WDFY2: variants seen among roughly 807,000 people sequenced by gnomAD.
WDFY2 encodes the protein WD repeat and FYVE domain-containing protein 2.
Under a neutral mutation model 56.4 loss-of-function variants are expected in WDFY2, and 36 were observed. That is an observed-to-expected ratio of 0.64 (90% CI 0.49 to 0.84). The LOEUF is 0.84. WDFY2 is among the 40% of genes least tolerant of loss of function. The pLI, the probability that WDFY2 is intolerant of heterozygous loss-of-function variation, is 0.00. For missense variants in WDFY2, 444 were observed against 512.2 expected, an observed-to-expected ratio of 0.87 and a Z score of 1.29; for synonymous variants, 176 against 183.7, an observed-to-expected ratio of 0.96 and a Z score of 0.34.
At chr13:51,702,504 T>C (rs1374791778) in intron 3 of WDFY2, among the ~76,000 whole-genome samples, 1 of 152,170 alleles carries the variant, frequency 6.6e-6, no homozygotes, top group Non-Finnish European at 1.5e-5. Context: ...TAAAGGGGGC[T>C]GGAATGGAAA....
chr13:51,737,023 C>G (rs974351068), intron 6 of WDFY2, among the ~76,000 whole-genome samples: 1 of 152,182 alleles, frequency 6.6e-6, no homozygotes, highest in African/African-American at 2.4e-5. Flanking sequence ...AGAACCTAAG[C>G]TACCCATTTC....
chr13:51,659,222 C>T (rs560114779), intron 1 of WDFY2, among the ~76,000 whole-genome samples: 94 of 152,316 alleles, frequency 6.2e-4, no homozygotes, highest in African/African-American at 2.2e-3. Flanking sequence ...CCACCGCGCA[C>T]AGCCTGCTTA....
chr13:51,687,433 A>G (rs1956079213), intron 3 of WDFY2, among the ~76,000 whole-genome samples: 1 of 152,030 alleles, frequency 6.6e-6, no homozygotes, highest in Admixed American at 6.6e-5. Context: ...AGGTAGAGGG[A>G]ATGGATGCCA....
At chr13:51,660,768 T>A (rs1955597844) in intron 2 of WDFY2, 105 bp downstream of exon 2, 1 of 964,790 alleles carries the variant, frequency 1.0e-6, no homozygotes, top group Non-Finnish European at 1.6e-6. Context: ...GGATTCTCAT[T>A]ATAATGAAAA....
In WDFY2 at chr13:51,660,631, A is replaced by G. The variant is rs1955595190; in HGVS notation, c.173A>G (p.Gln58Arg). ...VRVWLKRDSG[Q>R]YWPSVYHAMP... is the part of the protein sequence containing the mutation. The stretch of plus-strand genomic sequence containing the variant: ...GTTTGGTTAAAGAGAGACAGTGGAC[A>G]GTATTGGCCAAGCGTATACCATGCA... The change falls in exon 2 of 12, where the codon CAG (glutamine) becomes CGG (arginine). Residue 58 changes from glutamine to arginine, a missense_variant. Coordinates refer to ENST00000298125, the MANE Select transcript of WDFY2 (RefSeq NM_052950.4). The G allele has an allele frequency of 3.1e-6, 5 of 1,613,956 alleles. No individual in the cohort carries two copies. Among genetic ancestry groups the G allele is most frequent in the African/African-American group, 2.7e-5 (2 of 74,936 alleles).
chr13:51,630,502 C>T (rs538935753), intron 1 of WDFY2, among the ~76,000 whole-genome samples: 1 of 150,666 alleles, frequency 6.6e-6, no homozygotes, highest in Admixed American at 6.6e-5. Context: ...CCACAGTGCC[C>T]GCAACATTCT....
At chr13:51,758,148 T>G (rs1050771719) in intron 10 of WDFY2, 44 bp from the exon 11 acceptor site, 1 of 1,472,104 alleles carries the variant, frequency 6.8e-7, no homozygotes, top group Admixed American at 1.7e-5. Flanking sequence ...CTCATTCATA[T>G]GTCACCACCT....
At chr13:51,591,894 T>C (rs992072478) in intron 1 of WDFY2, 1 of 151,294 alleles carries the variant, frequency 6.6e-6, no homozygotes, top group Non-Finnish European at 1.5e-5. Flanking sequence ...ATTGACATTA[T>C]AGAATTGACC....
chr13:51,707,938 A>AATT (rs1952120038), intron 4 of WDFY2, among the ~76,000 whole-genome samples: 1 of 78,468 alleles, frequency 1.3e-5, no homozygotes, highest in South Asian at 4.0e-4. Context: ...CCCTAAAACA[A>AATT]CTTTTTTTTT....
chr13:51,721,409 C>CG (rs1269045676), intron 5 of WDFY2, among the ~76,000 whole-genome samples: 1 of 152,092 alleles, frequency 6.6e-6, no homozygotes, highest in Non-Finnish European at 1.5e-5. Flanking sequence ...CCTCAGGAAG[C>CG]TAACTTTTTA....
chr13:51,698,425 AATAG>A (rs1404827900), intron 3 of WDFY2, among the ~76,000 whole-genome samples: 2 of 152,236 alleles, frequency 1.3e-5, no homozygotes, highest in Non-Finnish European at 2.9e-5. Context: ...AATTTTGTTT[AATAG>A]ATATCAAAAG....
At chr13:51,689,007 T>C (rs1021603193) in intron 3 of WDFY2, among the ~76,000 whole-genome samples, 1 of 152,214 alleles carries the variant, frequency 6.6e-6, no homozygotes, top group African/African-American at 2.4e-5. Context: ...GATACATCAG[T>C]GTTCTGGCTT....
intron 7 of WDFY2, among the ~76,000 whole-genome samples, chr13:51,746,862 A>G (rs996402370): frequency 6.6e-6 from 1 of 152,232 alleles, no homozygotes; most frequent in Non-Finnish European, 1.5e-5. Flanking sequence ...ATTCAGTTCT[A>G]TGAATGAACT....
chr13:51,763,769 G>C lies in WDFY2; in HGVS notation c.*4000G>C, dbSNP rs1444288490. Reference sequence around the variant, plus strand: ...GCTATGATTGCACTACTGCAGTCCAGCCTGGGCAGCAGAGCAAGGCCCTGA... The same window carrying C: ...GCTATGATTGCACTACTGCAGTCCACCCTGGGCAGCAGAGCAAGGCCCTGA... On this transcript the variant is annotated 3_prime_UTR_variant, in exon 12 of 12. Coordinates refer to ENST00000298125, the MANE Select transcript of WDFY2 (RefSeq NM_052950.4). 6.6e-6 allele frequency: 1 copy of C among 152,266 alleles called. No individual in the cohort carries two copies. The highest frequency in any genetic ancestry group is 1.5e-5 in the Non-Finnish European group (1 of 68,042). 9.4% of individuals were successfully genotyped at this position (152,266 alleles called of 1,614,324 possible).
intron 1 of WDFY2, among the ~76,000 whole-genome samples, chr13:51,657,653 T>G (rs2138447732): frequency 6.6e-6 from 1 of 152,310 alleles, no homozygotes; most frequent in East Asian, 1.9e-4. Context: ...TATTCTTTTT[T>G]CTTTCTTCTT....
intron 7 of WDFY2, among the ~76,000 whole-genome samples, chr13:51,741,987 C>T (rs548437462): frequency 4.6e-5 from 7 of 152,172 alleles, no homozygotes; most frequent in Non-Finnish European, 1.5e-5. Context: ...TGCTTTCCTA[C>T]AGTTCCTGGT....
rs1243806965 is a variant in WDFY2 at position 51,767,423 on chromosome 13, CAG to C, written c.*7657_*7658del. 2.0e-5 allele frequency: 3 copies of C among 152,216 alleles called. No individual in the cohort carries two copies. Among genetic ancestry groups the C allele is most frequent in the Non-Finnish European group, 4.4e-5 (3 of 68,042 alleles). 9.4% of individuals were successfully genotyped at this position (152,216 alleles called of 1,614,324 possible). ...CCTTGGCTGATGATGAGCCCTGGATCAGAGTGTCTCCAGGACCACTGAGAAGC... is the reference window on the plus strand; with the variant it reads ...CCTTGGCTGATGATGAGCCCTGGATCAGTGTCTCCAGGACCACTGAGAAGC... On this transcript the variant is annotated 3_prime_UTR_variant, in exon 12 of 12. Coordinates refer to ENST00000298125, the MANE Select transcript of WDFY2 (RefSeq NM_052950.4).
intron 1 of WDFY2, among the ~76,000 whole-genome samples, chr13:51,645,895 A>G (rs1436577853): frequency 6.6e-6 from 1 of 152,172 alleles, no homozygotes; most frequent in African/African-American, 2.4e-5. Flanking sequence ...TTTCTCTGCA[A>G]CAGCCCTAAC....
At chr13:51,598,250 C>T (rs1191984872) in intron 1 of WDFY2, among the ~76,000 whole-genome samples, 1 of 151,954 alleles carries the variant, frequency 6.6e-6, no homozygotes, top group Non-Finnish European at 1.5e-5. Context: ...ATCCCAGCTA[C>T]TCGGGGGCTG....
Sources: gnomAD v4.1 joint callset for allele counts (sites outside exome capture counted in the v4.1 genomes callset) on GRCh38, gnomAD v4.1.1 for gene constraint, MANE v1.5 for transcripts, NCBI Gene and HGNC (gene_info 2026-07-23, HGNC 2026-07-21) for gene names.